MINK1: variants seen among roughly 807,000 people sequenced by gnomAD.
MINK1 encodes the protein misshapen-like kinase 1.
In MINK1, 46 loss-of-function variants were observed where a neutral mutation model predicts 178.4. The ratio of observed to expected loss-of-function variants is 0.26; its 90% CI spans 0.20 to 0.33. The LOEUF is 0.33. MINK1 is among the 10% of genes least tolerant of loss of function. The pLI is 1.00. For missense variants in MINK1, 1,366 were observed against 1,814.9 expected, an observed-to-expected ratio of 0.75 and a Z score of 4.49; for synonymous variants, 797 against 709.7, an observed-to-expected ratio of 1.12 and a Z score of -1.96.
At chr17:4,840,716 C>G (rs930720325) in intron 1 of MINK1, among the ~76,000 whole-genome samples, 4 of 152,178 alleles carry the variant, frequency 2.6e-5, no homozygotes, top group African/African-American at 9.7e-5. Context: ...ATAGACAAGA[C>G]TCTCCATTTA....
At chr17:4,841,503 T>C (rs1352929007) in intron 1 of MINK1, among the ~76,000 whole-genome samples, 1 of 152,034 alleles carries the variant, frequency 6.6e-6, no homozygotes, top group Admixed American at 6.6e-5. Flanking sequence ...CCTCAACTTA[T>C]GTTTTTTTCC....
chr17:4,889,594 G>A, intron 12 of MINK1, 53 bp from the exon 13 acceptor site: 2 of 1,449,346 alleles, frequency 1.4e-6, no homozygotes, highest in Non-Finnish European at 1.9e-6. Flanking sequence ...TGGAGGGGCA[G>A]TGCTGACGCG....
At chr17:4,882,142 AG>A (rs1252695104) in intron 4 of MINK1, among the ~76,000 whole-genome samples, 2 of 151,058 alleles carry the variant, frequency 1.3e-5, no homozygotes, top group African/African-American at 4.9e-5. Context: ...AGATCGCGGC[AG>A]GCTAGAGGCA....
intron 1 of MINK1, among the ~76,000 whole-genome samples, chr17:4,877,291 A>T (rs893033861): frequency 6.6e-6 from 1 of 151,710 alleles, no homozygotes; most frequent in Non-Finnish European, 1.5e-5. Flanking sequence ...GCCCAGGGGG[A>T]GGACGAGCCT....
chr17:4,861,968 G>A (rs1338710970), intron 1 of MINK1, among the ~76,000 whole-genome samples: 1 of 152,206 alleles, frequency 6.6e-6, no homozygotes, highest in African/African-American at 2.4e-5. Flanking sequence ...GAGCTGCACA[G>A]ATAAAGTACT....
intron 1 of MINK1, chr17:4,861,769 G>A (rs1293746319): frequency 1.7e-5 from 3 of 178,460 alleles, no homozygotes; most frequent in Non-Finnish European, 2.5e-5. Flanking sequence ...CCAAGGTGCT[G>A]GGATTACAGG....
At position 4,894,209 on chromosome 17, in the gene MINK1, C is replaced by T; in HGVS notation, c.2706C>T (p.Asp902=). The T allele has an allele frequency of 6.2e-7, 1 of 1,613,594 alleles. No homozygotes were observed. The highest frequency in any genetic ancestry group is 1.7e-5 in the Admixed American group (1 of 60,018). ...AGGAGCGGAACCTGCTGCATGCTGA[C>T]AGCAATGGGTACACAAACCTGCCTG... The part of the protein sequence containing the change: ...PEEERNLLHA[D]SNGYTNLPDV... Residue 902 remains aspartate, a synonymous_variant, in exon 23 of 32, where the codon GAC becomes GAT. Coordinates refer to ENST00000355280, the MANE Select transcript of MINK1 (RefSeq NM_153827.5). This position sits in a 1 kb window ranked among gnomAD's most constrained non-coding sequence, Gnocchi z 4.1.
chr17:4,870,345 T>G (rs1915710902), intron 1 of MINK1, among the ~76,000 whole-genome samples: 1 of 151,782 alleles, frequency 6.6e-6, no homozygotes, highest in African/African-American at 2.4e-5. Context: ...GTGTTGGGAT[T>G]ACAGTTACAG....
intron 1 of MINK1, among the ~76,000 whole-genome samples, chr17:4,859,788 C>CAAAAAAAAAA (rs397857604): frequency 7.7e-5 from 4 of 51,886 alleles, no homozygotes; most frequent in Non-Finnish European, 9.8e-5. Context: ...AACTCCATCT[C>CAAAAAAAAAA]AAAAAAAAAA....
chr17:4,846,306 C>T (rs1313810950), intron 1 of MINK1, among the ~76,000 whole-genome samples: 2 of 152,186 alleles, frequency 1.3e-5, no homozygotes, highest in Admixed American at 6.5e-5. Context: ...GGTCTTTTTT[C>T]TCTGTCTCCT....
chr17:4,891,834 AG>A lies in MINK1; in HGVS notation c.2001+121del, dbSNP rs1049890389. 32 of 1,386,102 alleles carry A rather than the reference AG, an allele frequency of 2.3e-5. No individual in the cohort carries two copies. The African/African-American group carries it at 4.4e-4, about 19-fold the overall frequency. The allele number at this position is 1,386,102 out of a possible 1,614,324, so 85.9% of individuals were successfully genotyped here. On this transcript the variant is annotated intron_variant, in intron 16 of 31. Coordinates refer to ENST00000355280, the MANE Select transcript of MINK1 (RefSeq NM_153827.5). ...GCAGGGCGGGAAGCGAGAGAAAGCC[AG>A]GGCGCTGCCCTGCCGGGGTCAGCCG...
chr17:4,834,957 A>G (rs1479310847), intron 1 of MINK1: 1 of 438,568 alleles, frequency 2.3e-6, no homozygotes, highest in African/African-American at 2.0e-5. Flanking sequence ...TAGGTGACAC[A>G]GTTTTTTTTC....
intron 1 of MINK1, among the ~76,000 whole-genome samples, chr17:4,851,879 A>C (rs1452613216): frequency 1.3e-5 from 2 of 151,996 alleles, no homozygotes; most frequent in Admixed American, 6.6e-5. Context: ...TTGTGCCTGT[A>C]ATCCCAACTA....
At chr17:4,860,761 A>G (rs1320189728) in intron 1 of MINK1, 1 of 520,002 alleles carries the variant, frequency 1.9e-6, no homozygotes, top group Non-Finnish European at 3.8e-6. Context: ...TCTAGGGAGC[A>G]GAGACCGTGG....
At chr17:4,839,730 G>A (rs1207976086) in intron 1 of MINK1, among the ~76,000 whole-genome samples, 1 of 152,116 alleles carries the variant, frequency 6.6e-6, no homozygotes, top group Non-Finnish European at 1.5e-5. Flanking sequence ...AATAGTAAAG[G>A]GAGGAGAGAA....
rs1345759984 is a variant in MINK1, at chr17:4,839,805, C to G, written c.57+6165C>G. 2.6e-5 allele frequency among the ~76,000 whole-genome samples: 4 copies of G among 152,184 alleles called. No homozygotes were observed. In the East Asian group the frequency reaches 7.7e-4, roughly 29 times the overall value. On this transcript the variant is annotated intron_variant, in intron 1 of 31. Transcript: ENST00000355280. ...AGATTTTGTCCAGTGGCTAGACAGC[C>G]TGAGGTTGTACGTGCTACGTGTGGG... is the stretch of plus-strand genomic sequence containing the variant.
chr17:4,880,201 T>C (rs1427399596), intron 2 of MINK1, among the ~76,000 whole-genome samples: 2 of 152,180 alleles, frequency 1.3e-5, no homozygotes, highest in Non-Finnish European at 2.9e-5. Context: ...GTTTTTCTGT[T>C]GGCCATGATG....
At chr17:4,891,307 C>A in intron 15 of MINK1, 149 bp from the exon 16 acceptor site, 1 of 1,247,994 alleles carries the variant, frequency 8.0e-7, no homozygotes, top group Non-Finnish European at 1.1e-6. Context: ...CTGTGTCTGT[C>A]CTGACTTAGC....
At chr17:4,884,067 A>G (rs1229246190) in intron 4 of MINK1, among the ~76,000 whole-genome samples, 5 of 115,764 alleles carry the variant, frequency 4.3e-5, no homozygotes, top group African/African-American at 1.7e-4. Flanking sequence ...CTTGCTCACC[A>G]TGTTGGCCAG....
Sources: gnomAD v4.1 joint callset for allele counts (sites outside exome capture counted in the v4.1 genomes callset) on GRCh38, gnomAD v4.1.1 for gene constraint, Gnocchi (gnomAD v3.1) non-coding constraint, MANE v1.5 for transcripts, NCBI Gene and HGNC (gene_info 2026-07-23, HGNC 2026-07-21) for gene names.